Variants in ACAP2 observed in about 807,000 individuals in gnomAD.
ACAP2 encodes arf-GAP with coiled-coil, ANK repeat and PH domain-containing protein 2.
A neutral mutation model predicts 115.8 loss-of-function variants in ACAP2; 39 were observed. The observed-to-expected ratio is 0.34, with a 90% CI of 0.26 to 0.44. The LOEUF is 0.44. Ranked by LOEUF, ACAP2 falls within the 20% of genes least tolerant of loss-of-function variation. The pLI, the probability that ACAP2 is intolerant of heterozygous loss-of-function variation, is 1.00. For missense variants in ACAP2, 662 were observed against 927.6 expected (o/e 0.71, Z 3.72); for synonymous variants, 289 against 315.8 (o/e 0.92, Z 0.90).
chr3:195,383,322 T>C (rs548132449), intron 2 of ACAP2, among the ~76,000 whole-genome samples: 81 of 152,014 alleles, frequency 5.3e-4, no homozygotes, highest in African/African-American at 1.9e-3. Context: ...TGGTAGTAAA[T>C]GCAAATAGAC....
intron 4 of ACAP2, among the ~76,000 whole-genome samples, chr3:195,364,928 T>C (rs995248957): frequency 7.2e-5 from 11 of 152,218 alleles, no homozygotes; most frequent in Non-Finnish European, 1.2e-4. Context: ...ATATACACAA[T>C]GCAGTACTAG....
intron 15 of ACAP2, among the ~76,000 whole-genome samples, chr3:195,300,096 G>C (rs1727947749): frequency 6.7e-6 from 1 of 149,166 alleles, no homozygotes; most frequent in African/African-American, 2.5e-5. Context: ...GCCCAGGCCG[G>C]AGTGCAGTGG....
chr3:195,394,342 CTTTA>C (rs893817084), intron 1 of ACAP2, among the ~76,000 whole-genome samples: 2 of 152,176 alleles, frequency 1.3e-5, no homozygotes, highest in Non-Finnish European at 2.9e-5. Flanking sequence ...ACATTTTAAC[CTTTA>C]TTTATCTTTA....
Position 195,294,742 on chromosome 3 carries a change from G to A in ACAP2, c.1742C>T (p.Ser581Leu), listed in dbSNP as rs1560210080. The A allele has an allele frequency of 2.5e-6, 4 of 1,607,842 alleles. No individual in the cohort carries two copies. Among genetic ancestry groups the A allele is most frequent in the South Asian group, 1.1e-5 (1 of 90,812 alleles). Reference protein sequence around the residue: ...DGRESLPSTVSANSLYEPEGE... With the variant: ...DGRESLPSTVLANSLYEPEGE... Reference sequence around the variant, plus strand: ...ACCAGGCTCATATAAACTATTGGCTGACACCGTGGAGGGTAAAGATTCTCT... The same window carrying A: ...ACCAGGCTCATATAAACTATTGGCTAACACCGTGGAGGGTAAAGATTCTCT... The change falls in exon 18 of 23, where the codon TCA (serine) becomes TTA (leucine). Residue 581 changes from serine to leucine, a missense_variant. Ser to Leu is a moderately radical substitution (Grantham distance 145). Coordinates refer to ENST00000326793, the MANE Select transcript of ACAP2 (RefSeq NM_012287.6).
intron 13 of ACAP2, among the ~76,000 whole-genome samples, chr3:195,305,731 C>T (rs1728378942): frequency 6.6e-6 from 1 of 152,000 alleles, no homozygotes; most frequent in South Asian, 2.1e-4. Flanking sequence ...ATCATTTGTA[C>T]CCAGACAAGT....
At chr3:195,291,517 G>A (rs1275434562) in intron 20 of ACAP2, among the ~76,000 whole-genome samples, 189 bp downstream of exon 20, 1 of 152,138 alleles carries the variant, frequency 6.6e-6, no homozygotes, top group Non-Finnish European at 1.5e-5. Context: ...TTTTGTATCT[G>A]AAAACCAATA....
At position 195,320,863 on chromosome 3, in the gene ACAP2, T is replaced by C. The variant is rs753006963; in HGVS notation, c.745-50A>G. 9.4e-6 allele frequency: 12 copies of C among 1,280,300 alleles called. No individual in the cohort carries two copies. In the South Asian group the frequency reaches 1.4e-4, roughly 15 times the overall value. The allele number at this position is 1,280,300 out of a possible 1,614,324, so 79.3% of individuals were successfully genotyped here. A position where few individuals can be genotyped will look rare whatever the true frequency, so the allele number is the denominator to read the frequency against. Reference sequence around the variant, plus strand: ...GTTCATATGACTTGACTAAGTTTCCTAGACAAGAAATGGATCCTAAGAAAA... The same window carrying C: ...GTTCATATGACTTGACTAAGTTTCCCAGACAAGAAATGGATCCTAAGAAAA... On this transcript the variant is annotated intron_variant, in intron 9 of 22. Coordinates refer to ENST00000326793, the MANE Select transcript of ACAP2 (RefSeq NM_012287.6).
intron 3 of ACAP2, among the ~76,000 whole-genome samples, chr3:195,381,350 C>A (rs1001875896): frequency 1.3e-5 from 2 of 152,002 alleles, no homozygotes; most frequent in Non-Finnish European, 2.9e-5. Flanking sequence ...AATTGTTTTG[C>A]GTGTATCAAG....
Position 195,355,275 on chromosome 3 carries a change from TTTC to T in ACAP2, c.286-9961_286-9959del, listed in dbSNP as rs1248889332. 1.6e-4 allele frequency among the ~76,000 whole-genome samples: 15 copies of T among 92,314 alleles called. No individual in the cohort carries two copies. The East Asian group carries it at 6.2e-3, about 38-fold the overall frequency. The allele number at this position is 92,314 out of a possible 152,430, so 60.6% of individuals were successfully genotyped here. A position where few individuals can be genotyped will look rare whatever the true frequency, so the allele number is the denominator to read the frequency against. ...CTATCTAACAGCTAATTCTTTTCTT[TTTC>T]TTCTTTTTTTTTTTTTTTTTGGTAG... is the stretch of plus-strand genomic sequence containing the variant. On this transcript the variant is annotated intron_variant, in intron 4 of 22. Transcript: ENST00000326793.
At chr3:195,364,071 A>AG (rs1732549394) in intron 4 of ACAP2, among the ~76,000 whole-genome samples, 1 of 152,192 alleles carries the variant, frequency 6.6e-6, no homozygotes, top group Admixed American at 6.5e-5. Flanking sequence ...ACCCTACAGA[A>AG]GCACAGGCAA....
chr3:195,289,660 G>C (rs1413399256), intron 20 of ACAP2, among the ~76,000 whole-genome samples: 1 of 151,274 alleles, frequency 6.6e-6, no homozygotes, highest in African/African-American at 2.4e-5. Context: ...AAAAAACATA[G>C]CCGGGTGTGG....
intron 1 of ACAP2, among the ~76,000 whole-genome samples, chr3:195,421,396 C>T (rs1371811778): frequency 6.6e-6 from 1 of 152,102 alleles, no homozygotes; most frequent in Non-Finnish European, 1.5e-5. Flanking sequence ...AAGATCTTGA[C>T]ACAAAGTCAT....
intron 4 of ACAP2, among the ~76,000 whole-genome samples, chr3:195,348,660 G>A (rs2108662321): frequency 6.6e-6 from 1 of 152,274 alleles, no homozygotes; most frequent in Admixed American, 6.5e-5. Flanking sequence ...AGGAATGAAA[G>A]ATGGATTTAA....
At chr3:195,333,888 G>A (rs1188457837) in intron 7 of ACAP2, among the ~76,000 whole-genome samples, 1 of 152,080 alleles carries the variant, frequency 6.6e-6, no homozygotes, top group Non-Finnish European at 1.5e-5. Flanking sequence ...GAGAACGCTG[G>A]GTTTTTCTCT....
intron 4 of ACAP2, among the ~76,000 whole-genome samples, chr3:195,371,591 G>C (rs773389094): frequency 1.5e-4 from 23 of 152,110 alleles, no homozygotes; most frequent in Non-Finnish European, 2.5e-4. Context: ...CCAATACTAT[G>C]TTGAATAGGA....
chr3:195,390,966 C>T (rs1319088358), intron 2 of ACAP2, among the ~76,000 whole-genome samples: 1 of 151,818 alleles, frequency 6.6e-6, no homozygotes, highest in Non-Finnish European at 1.5e-5. Context: ...TGGACAGACA[C>T]CAAAAAAATC....
intron 1 of ACAP2, among the ~76,000 whole-genome samples, chr3:195,435,884 C>T (rs1266747847): frequency 6.6e-6 from 1 of 152,054 alleles, no homozygotes; most frequent in Non-Finnish European, 1.5e-5. Context: ...TAGCACTGTT[C>T]ACATCTTCTA....
intron 4 of ACAP2, among the ~76,000 whole-genome samples, chr3:195,363,518 T>C (rs1732509378): frequency 6.6e-6 from 1 of 152,008 alleles, no homozygotes; most frequent in Non-Finnish European, 1.5e-5. Flanking sequence ...GGCACGCACC[T>C]GTGGTCCCAG....
Position 195,336,226 on chromosome 3 carries a change from AT to A in ACAP2, c.573+705del, listed in dbSNP as rs1268453412. ...GCCTTCGTTAGCTTTAAGACCAAAA[AT>A]AGGGCTCCCCACCGCAAAAAAAAAA... is the stretch of plus-strand genomic sequence containing the variant. On this transcript the variant is annotated intron_variant, in intron 7 of 22. Coordinates refer to ENST00000326793, the MANE Select transcript of ACAP2 (RefSeq NM_012287.6). The A allele has an allele frequency of 4.1e-5, 6 of 145,586 alleles. No homozygotes were observed. In the East Asian group the frequency reaches 1.2e-3, roughly 28 times the overall value. 9.0% of individuals were successfully genotyped at this position (145,586 alleles called of 1,614,324 possible).
Sources: allele counts gnomAD v4.1 joint callset (sites outside exome capture counted in the v4.1 genomes callset), GRCh38; gene constraint gnomAD v4.1.1; transcripts MANE v1.5; gene names NCBI Gene and HGNC (gene_info 2026-07-23, HGNC 2026-07-21).